The following PRICKLE1 variants were observed in gnomAD, a reference collection of about 807,000 sequenced individuals.
PRICKLE1 encodes the protein prickle planar cell polarity protein 1, also known as prickle-like protein 1.
PRICKLE1 carries 14 observed loss-of-function variants against 70.2 expected under a neutral mutation model. That is an observed-to-expected ratio of 0.20 (90% CI 0.13 to 0.31). The LOEUF (loss-of-function observed/expected upper bound fraction) is 0.31. Among genes scored for constraint, PRICKLE1 ranks in the 10% least tolerant of loss-of-function variants. The probability of loss-of-function intolerance (pLI) is 1.00; values close to 1 mark genes in which losing one functional copy is unlikely to be tolerated. For missense variants in PRICKLE1, 821 were observed against 1,026.2 expected (o/e 0.80, Z 2.73); for synonymous variants, 357 against 379.9 (o/e 0.94, Z 0.70).
intron 1 of PRICKLE1, among the ~76,000 whole-genome samples, chr12:42,555,400 T>C (rs1940397604): frequency 6.6e-6 from 1 of 152,222 alleles, no homozygotes; most frequent in South Asian, 2.1e-4. Context: ...AATAGTATTA[T>C]TGTGGTTATA....
intron 1 of PRICKLE1, among the ~76,000 whole-genome samples, chr12:42,498,174 CTCTTTTT>C (rs1939241526): frequency 7.9e-6 from 1 of 125,950 alleles, no homozygotes; most frequent in Non-Finnish European, 1.6e-5. Flanking sequence ...TTTTCTCTCT[CTCTTTTT>C]TTTTTTTTGG....
chr12:42,485,889 C>T (rs189548765), intron 1 of PRICKLE1, among the ~76,000 whole-genome samples: 5 of 152,298 alleles, frequency 3.3e-5, no homozygotes, highest in East Asian at 1.9e-4. Flanking sequence ...CCATTGTAAG[C>T]GTTTTTAGTG....
intron 1 of PRICKLE1, among the ~76,000 whole-genome samples, chr12:42,491,042 T>C (rs1566099750): frequency 6.6e-6 from 1 of 151,080 alleles, no homozygotes; most frequent in Non-Finnish European, 1.5e-5. Flanking sequence ...GCCTGGCTAC[T>C]TTTTCTATCT....
intron 1 of PRICKLE1, among the ~76,000 whole-genome samples, chr12:42,481,476 A>T (rs1938790726): frequency 6.6e-6 from 1 of 152,232 alleles, no homozygotes; most frequent in Non-Finnish European, 1.5e-5. Flanking sequence ...AAGCCAGAAC[A>T]GATACTGATT....
At chr12:42,536,936 T>C (rs1940025280) in intron 1 of PRICKLE1, among the ~76,000 whole-genome samples, 1 of 152,206 alleles carries the variant, frequency 6.6e-6, no homozygotes, top group Admixed American at 6.5e-5. Flanking sequence ...CGTATACATA[T>C]TATAATTAGC....
rs139176541 is a variant in PRICKLE1 at position 42,472,416 on chromosome 12, G to A, written c.101C>T (p.Ala34Val). 3.7e-6 allele frequency: 6 copies of A among 1,614,150 alleles called. No individual in the cohort carries two copies. Among genetic ancestry groups the A allele is most frequent in the Non-Finnish European group, 5.1e-6 (6 of 1,180,028 alleles). ...TGGTCTCAGGCCCGGGGGGACCCAG[G>A]CGTACTCCTCCAATGCACAGCCAGA... is the stretch of plus-strand genomic sequence containing the variant. ...DDSGCALEEY[A>V]WVPPGLRPEQ... The change falls in exon 2 of 8, where the codon GCC (alanine) becomes GTC (valine). Residue 34 changes from alanine to valine, a missense_variant. Ala to Val is a moderately conservative substitution (Grantham distance 64). Coordinates refer to ENST00000345127, the MANE Select transcript of PRICKLE1 (RefSeq NM_153026.3).
intron 1 of PRICKLE1, among the ~76,000 whole-genome samples, chr12:42,511,674 C>A (rs1026538469): frequency 6.6e-6 from 1 of 152,120 alleles, no homozygotes; most frequent in Non-Finnish European, 1.5e-5. Flanking sequence ...GTTTTCCTAG[C>A]CCTTGCTTGG....
At chr12:42,470,917 A>G (rs1938296812) in intron 2 of PRICKLE1, among the ~76,000 whole-genome samples, 1 of 152,076 alleles carries the variant, frequency 6.6e-6, no homozygotes, top group African/African-American at 2.4e-5. Context: ...AAAAAAAAAA[A>G]AAGACTACTC....
At position 42,577,753 on chromosome 12, in the gene PRICKLE1, T is replaced by C. The variant is rs561296296; in HGVS notation, c.-49+11712A>G. Among the ~76,000 whole-genome samples, 32 of 152,298 alleles carry C rather than the reference T, an allele frequency of 2.1e-4. No homozygotes were observed. In the South Asian group the frequency reaches 4.8e-3, roughly 23 times the overall value. On this transcript the variant is annotated intron_variant, in intron 1 of 7. Transcript: ENST00000345127. ...CCATGCAAGTTAGTAGGAGATGCAA[T>C]AATTATGTAAAAGCATTTAATATAG...
intron 1 of PRICKLE1, among the ~76,000 whole-genome samples, chr12:42,476,193 C>CT (rs530875710): frequency 0.068 from 9,458 of 138,108 alleles, 326 homozygotes; most frequent in Middle Eastern, 0.1. Context: ...TTTCTTTTTT[C>CT]TTTTTTTTTT....
At chr12:42,548,450 C>T (rs781290926) in intron 1 of PRICKLE1, among the ~76,000 whole-genome samples, 2 of 152,122 alleles carry the variant, frequency 1.3e-5, no homozygotes, top group Non-Finnish European at 2.9e-5. Context: ...AGACAAAAAG[C>T]GGGGAACCCA....
intron 1 of PRICKLE1, among the ~76,000 whole-genome samples, chr12:42,493,298 C>T (rs1394330003): frequency 6.6e-6 from 1 of 152,154 alleles, no homozygotes; most frequent in Admixed American, 6.5e-5. Context: ...TTACTATGCA[C>T]TGCAAACCTG....
In PRICKLE1 at chr12:42,573,810, A is replaced by C. The variant is rs117270939; in HGVS notation, c.-49+15655T>G. On this transcript the variant is annotated intron_variant, in intron 1 of 7. Coordinates refer to ENST00000345127, the MANE Select transcript of PRICKLE1 (RefSeq NM_153026.3). Reference sequence around the variant, plus strand: ...TTGGCCTCCCAAAATGGTAGGATTAAAAGGCATGAGCCACCGCACCAGGCT... The same window carrying C: ...TTGGCCTCCCAAAATGGTAGGATTACAAGGCATGAGCCACCGCACCAGGCT... 4.1e-3 allele frequency among the ~76,000 whole-genome samples: 630 copies of C among 152,270 alleles called. 9 individuals are homozygous for C. In the South Asian group the frequency reaches 0.044, roughly 11 times the overall value.
At chr12:42,566,470 G>A (rs1445519480) in intron 1 of PRICKLE1, among the ~76,000 whole-genome samples, 1 of 152,156 alleles carries the variant, frequency 6.6e-6, no homozygotes. Context: ...TGGGCCTCAA[G>A]CAAGCTGGTA....
chr12:42,489,215 G>A (rs894679690), intron 1 of PRICKLE1, among the ~76,000 whole-genome samples: 1 of 150,872 alleles, frequency 6.6e-6, no homozygotes, highest in Non-Finnish European at 1.5e-5. Context: ...GAGCCACCAC[G>A]CCTGGCTGTA....
chr12:42,493,375 C>A (rs892320383), intron 1 of PRICKLE1, among the ~76,000 whole-genome samples: 2 of 151,912 alleles, frequency 1.3e-5, no homozygotes, highest in Non-Finnish European at 2.9e-5. Context: ...ATTAAAAATT[C>A]AAAAAATTTA....
At chr12:42,519,502 A>C (rs2120462277) in intron 1 of PRICKLE1, among the ~76,000 whole-genome samples, 1 of 152,214 alleles carries the variant, frequency 6.6e-6, no homozygotes, top group Middle Eastern at 3.4e-3. Context: ...GGCTTTACTG[A>C]ATTTTCAGCA....
At chr12:42,506,567 CTTTTTTTTTT>C (rs139103281) in intron 1 of PRICKLE1, among the ~76,000 whole-genome samples, 4 of 64,632 alleles carry the variant, frequency 6.2e-5, no homozygotes, top group Admixed American at 2.1e-4. Flanking sequence ...CAATAGTGTT[CTTTTTTTTTT>C]TTTTTTTTTT....
At chr12:42,508,632 T>A (rs1311571261) in intron 1 of PRICKLE1, among the ~76,000 whole-genome samples, 1 of 152,124 alleles carries the variant, frequency 6.6e-6, no homozygotes, top group East Asian at 1.9e-4. Context: ...TGAAAAGAAA[T>A]TTGCTTTAGG....
Sources: allele counts gnomAD v4.1 joint callset (sites outside exome capture counted in the v4.1 genomes callset), GRCh38; gene constraint gnomAD v4.1.1; transcripts MANE v1.5; gene names NCBI Gene and HGNC (gene_info 2026-07-23, HGNC 2026-07-21).